Variants in CX3CR1 observed in about 807,000 individuals in gnomAD.
CX3CR1 encodes the protein C-X3-C motif chemokine receptor 1, also known as CX3C chemokine receptor 1.
For missense variants in CX3CR1, 363 were observed against 432.4 expected (o/e 0.84, Z 1.42); for synonymous variants, 168 against 178.5 (o/e 0.94, Z 0.47).
Position 39,266,432 on chromosome 3 carries a change from G to A in CX3CR1, c.78C>T (p.Ile26=), listed in dbSNP as rs759347804. Residue 26 remains isoleucine, a synonymous_variant, in exon 2 of 2, where the codon ATC becomes ATT. Transcript: ENST00000399220. Reference sequence around the variant, plus strand: ...ACAGGAACACAGTCCCAAAGACCACGATGTCCCCAATATAACAGGCCTCAG... The same window carrying A: ...ACAGGAACACAGTCCCAAAGACCACAATGTCCCCAATATAACAGGCCTCAG... ...DLAEACYIGD[I]VVFGTVFLSI... 8.7e-6 allele frequency: 14 copies of A among 1,614,058 alleles called. No homozygotes were observed. The highest frequency in any genetic ancestry group is 1.3e-5 in the African/African-American group (1 of 74,916).
chr3:39,287,025 G>A, the CX3CR1 span: 1 of 152,218 alleles, frequency 6.6e-6, no homozygotes, highest in Non-Finnish European at 1.5e-5. Context: ...ATACAGGGAA[G>A]CCGGGCTGGA....
chr3:39,271,597 G>C (rs1293587301), intron 1 of CX3CR1, among the ~76,000 whole-genome samples: 1 of 152,152 alleles, frequency 6.6e-6, no homozygotes, highest in Non-Finnish European at 1.5e-5. Flanking sequence ...TTGCAGCTCT[G>C]TCTTCTGTGC....
At chr3:39,292,388 G>T in the CX3CR1 span, among the ~76,000 whole-genome samples, 2 of 152,192 alleles carry the variant, frequency 1.3e-5, no homozygotes, top group African/African-American at 4.8e-5. Context: ...CCCTCAACTA[G>T]ACTGTAGCAC....
chr3:39,290,245 T>A, the CX3CR1 span, among the ~76,000 whole-genome samples: 1 of 152,180 alleles, frequency 6.6e-6, no homozygotes, highest in Admixed American at 6.5e-5. Flanking sequence ...CAGGGGCAGT[T>A]CAGTGACTGA....
chr3:39,281,703 T>G, upstream of CX3CR1: 1 of 1,594,214 alleles, frequency 6.3e-7, no homozygotes, highest in South Asian at 1.1e-5. Context: ...CATCCTGGTT[T>G]AAGTCCACGG....
chr3:39,274,716 TATTA>T (rs1348083643), intron 1 of CX3CR1, among the ~76,000 whole-genome samples: 34 of 152,318 alleles, frequency 2.2e-4, no homozygotes, highest in African/African-American at 6.0e-4. Context: ...ATTGTTTAAT[TATTA>T]ATTAAGTCAA....
the CX3CR1 span, among the ~76,000 whole-genome samples, chr3:39,292,636 A>G: frequency 6.6e-6 from 1 of 152,288 alleles, no homozygotes; most frequent in East Asian, 1.9e-4. Context: ...AGTGCCTTCT[A>G]TTTATTATTT....
chr3:39,291,421 C>A, the CX3CR1 span, among the ~76,000 whole-genome samples: 3 of 149,796 alleles, frequency 2.0e-5, no homozygotes, highest in Non-Finnish European at 4.4e-5. Flanking sequence ...GTCATGTGAC[C>A]ATACATGTGA....
At chr3:39,289,925 G>A in the CX3CR1 span, among the ~76,000 whole-genome samples, 2 of 152,184 alleles carry the variant, frequency 1.3e-5, no homozygotes. Flanking sequence ...CCAGAACTGT[G>A]AGAAATAAAT....
chr3:39,289,788 C>A, the CX3CR1 span, among the ~76,000 whole-genome samples: 8 of 151,986 alleles, frequency 5.3e-5, no homozygotes, highest in Non-Finnish European at 7.4e-5. Flanking sequence ...GGACTGGTGT[C>A]CTTATCAGAA....
intron 1 of CX3CR1, among the ~76,000 whole-genome samples, chr3:39,272,359 G>T (rs905451031): frequency 6.6e-6 from 1 of 152,162 alleles, no homozygotes; most frequent in Non-Finnish European, 1.5e-5. Context: ...GTAGAAATTT[G>T]TAAAATTCCC....
intron 1 of CX3CR1, among the ~76,000 whole-genome samples, chr3:39,273,961 C>T (rs2040809329): frequency 6.6e-6 from 1 of 152,182 alleles, no homozygotes; most frequent in African/African-American, 2.4e-5. Flanking sequence ...AACATGAGTC[C>T]TAGGTCAGCA....
chr3:39,287,131 C>T, the CX3CR1 span: 2 of 152,156 alleles, frequency 1.3e-5, no homozygotes, highest in Non-Finnish European at 2.9e-5. Context: ...AACAAAATGG[C>T]TGTGCTAAGT....
chr3:39,290,612 A>C, the CX3CR1 span, among the ~76,000 whole-genome samples: 1 of 152,196 alleles, frequency 6.6e-6, no homozygotes, highest in Non-Finnish European at 1.5e-5. Context: ...GTTCCTAAGA[A>C]TATAGCTACA....
chr3:39,265,133 A>G lies in CX3CR1; in HGVS notation c.*309T>C. 2 of 258,776 alleles carry G rather than the reference A, an allele frequency of 7.7e-6. No homozygotes were observed. The highest frequency in any genetic ancestry group is 7.3e-6 in the Non-Finnish European group (1 of 136,530). The allele number at this position is 258,776 out of a possible 1,614,324, so 16.0% of individuals were successfully genotyped here. On this transcript the variant is annotated 3_prime_UTR_variant, in exon 2 of 2. Transcript: ENST00000399220. ...CAGACACCCTTTTGCTTGTGCCACA[A>G]TATGAACAATATTCACCACCCTCAT... is the stretch of plus-strand genomic sequence containing the variant.
At chr3:39,275,485 G>A (rs4676625) in intron 1 of CX3CR1, among the ~76,000 whole-genome samples, 46,623 of 152,136 alleles carry the variant, frequency 0.31, 7,405 homozygotes, top group Non-Finnish European at 0.36. Context: ...AGTGAACCAT[G>A]TACGGCAAAC....
chr3:39,292,428 C>T, the CX3CR1 span, among the ~76,000 whole-genome samples: 3 of 152,150 alleles, frequency 2.0e-5, no homozygotes, highest in Non-Finnish European at 4.4e-5. Context: ...TTGTAAAGGG[C>T]CTCCTGGTTT....
At position 39,265,327 on chromosome 3, in the gene CX3CR1, A is replaced by G. The variant is rs577160315; in HGVS notation, c.*115T>C. The G allele has an allele frequency of 9.0e-7, 1 of 1,111,338 alleles. No individual in the cohort carries two copies. The highest frequency in any genetic ancestry group is 1.3e-6 in the Non-Finnish European group (1 of 774,468). The allele number at this position is 1,111,338 out of a possible 1,614,324, so 68.8% of individuals were successfully genotyped here. A position where few individuals can be genotyped will look rare whatever the true frequency, so the allele number is the denominator to read the frequency against. ...AACACTCTAGGGTTGTTTTGTGTGC[A>G]TTGGGTCCATCATTTTGTGCCTGTA... On this transcript the variant is annotated 3_prime_UTR_variant, in exon 2 of 2. Coordinates refer to ENST00000399220, the MANE Select transcript of CX3CR1 (RefSeq NM_001337.4).
At position 39,264,490 on chromosome 3, in the gene CX3CR1, C is replaced by T. The variant is rs1046625581; in HGVS notation, c.*952G>A. 3.3e-5 allele frequency: 5 copies of T among 152,316 alleles called. No homozygotes were observed. The highest frequency in any genetic ancestry group is 6.6e-5 in the Admixed American group (1 of 15,266). 9.4% of individuals were successfully genotyped at this position (152,316 alleles called of 1,614,324 possible). A position where few individuals can be genotyped will look rare whatever the true frequency, so the allele number is the denominator to read the frequency against. On this transcript the variant is annotated 3_prime_UTR_variant, in exon 2 of 2. Coordinates refer to ENST00000399220, the MANE Select transcript of CX3CR1 (RefSeq NM_001337.4). ...GGGTTTTTCTATTTCCCTTACTGGC[C>T]TGGGAGCAGGTGGAGATGCATGAGG...
Sources: gnomAD v4.1 joint callset for allele counts (sites outside exome capture counted in the v4.1 genomes callset) on GRCh38, gnomAD v4.1.1 for gene constraint, MANE v1.5 for transcripts, NCBI Gene and HGNC (gene_info 2026-07-23, HGNC 2026-07-21) for gene names.